Variants in PRKN observed in about 807,000 individuals in gnomAD.
PRKN encodes E3 ubiquitin-protein ligase parkin.
PRKN carries 56 observed loss-of-function variants against 59.5 expected under a neutral mutation model. The observed-to-expected ratio is 0.94, with a 90% CI of 0.76 to 1.18. The LOEUF (loss-of-function observed/expected upper bound fraction) is 1.18. PRKN is among the 50% of genes most tolerant of loss of function. The pLI, the probability that PRKN is intolerant of heterozygous loss-of-function variation, is 0.00. For missense variants in PRKN, 657 were observed against 596.4 expected (o/e 1.10, Z -1.06); for synonymous variants, 250 against 222.1 (o/e 1.13, Z -1.12).
At chr6:161,712,808 C>G (rs1786805295) in intron 7 of PRKN, among the ~76,000 whole-genome samples, 2 of 152,044 alleles carry the variant, frequency 1.3e-5, no homozygotes, top group African/African-American at 4.8e-5. Flanking sequence ...AAAACAAAAA[C>G]AAACTGTTTT....
chr6:161,438,027 T>G (rs771402111), intron 9 of PRKN, among the ~76,000 whole-genome samples: 12 of 152,080 alleles, frequency 7.9e-5, no homozygotes, highest in Non-Finnish European at 1.5e-4. Flanking sequence ...ACAGAGCTGG[T>G]GTGAGTCGTA....
rs191629108 is a variant in PRKN, at chr6:161,776,095, C to T, written c.871+9677G>A. On this transcript the variant is annotated intron_variant, in intron 7 of 11. Coordinates refer to ENST00000366898, the MANE Select transcript of PRKN (RefSeq NM_004562.3). ...ACTACTTCCTCAGCCCCTAGAGCAACAGAAAAATCTGTGCTACCAGGGCTT... is the reference window on the plus strand; with the variant it reads ...ACTACTTCCTCAGCCCCTAGAGCAATAGAAAAATCTGTGCTACCAGGGCTT... Among the ~76,000 whole-genome samples, 4 of 152,304 alleles carry T rather than the reference C, an allele frequency of 2.6e-5. No individual in the cohort carries two copies. The East Asian group carries it at 7.7e-4, about 29-fold the overall frequency.
intron 2 of PRKN, among the ~76,000 whole-genome samples, chr6:162,321,905 T>C (rs1562668986): frequency 6.6e-6 from 1 of 152,020 alleles, no homozygotes; most frequent in Admixed American, 6.6e-5. Flanking sequence ...TTACATTTAA[T>C]GATGAAAGAT....
chr6:161,503,417 T>C lies in PRKN; in HGVS notation c.1083+45437A>G, dbSNP rs1272837295. Among the ~76,000 whole-genome samples the C allele has an allele frequency of 6.6e-6, 1 of 152,198 alleles. No homozygotes were observed. Among genetic ancestry groups the C allele is most frequent in the African/African-American group, 2.4e-5 (1 of 41,440 alleles). The stretch of plus-strand genomic sequence containing the variant: ...TCAGGTCATTCTCACCACAAATATA[T>C]GGGATAAGTACCATTTTCATCCTAA... On this transcript the variant is annotated intron_variant, in intron 9 of 11. Coordinates refer to ENST00000366898, the MANE Select transcript of PRKN (RefSeq NM_004562.3). The surrounding 1 kb of genome is among the most constrained non-coding windows in gnomAD (Gnocchi z 5.1).
chr6:162,125,046 GAA>G (rs1310775563), intron 4 of PRKN, among the ~76,000 whole-genome samples: 3 of 152,190 alleles, frequency 2.0e-5, no homozygotes, highest in African/African-American at 7.2e-5. Context: ...GATTATTATA[GAA>G]AGTGAGGAAT....
At chr6:161,607,227 C>G (rs1411266125) in intron 7 of PRKN, among the ~76,000 whole-genome samples, 2 of 152,146 alleles carry the variant, frequency 1.3e-5, no homozygotes, top group Non-Finnish European at 2.9e-5. Context: ...TACAGGTACT[C>G]AGGTGAAATG....
intron 2 of PRKN, among the ~76,000 whole-genome samples, chr6:162,330,296 T>C (rs1294394051): frequency 1.3e-5 from 2 of 152,064 alleles, no homozygotes; most frequent in African/African-American, 2.4e-5. Context: ...CATAGTATGG[T>C]GGTATCTTCT....
rs189415414 is a variant in PRKN, at chr6:162,635,545, G to A, written c.7+92117C>T. Among the ~76,000 whole-genome samples the A allele has an allele frequency of 1.4e-4, 22 of 152,060 alleles. No homozygotes were observed. The South Asian group carries it at 1.7e-3, about 11-fold the overall frequency. Reference sequence around the variant, plus strand: ...ATTCTCCAAGAGTAGACCTTATGTCGTAGCTTTGTTAACATTATTTCATCT... The same window carrying A: ...ATTCTCCAAGAGTAGACCTTATGTCATAGCTTTGTTAACATTATTTCATCT... On this transcript the variant is annotated intron_variant, in intron 1 of 11. Transcript: ENST00000366898.
At chr6:162,675,690 T>C (rs1193290828) in intron 1 of PRKN, among the ~76,000 whole-genome samples, 3 of 152,206 alleles carry the variant, frequency 2.0e-5, no homozygotes, top group Non-Finnish European at 4.4e-5. Flanking sequence ...GGAAGAATAA[T>C]TTGTGTAGTC....
intron 9 of PRKN, among the ~76,000 whole-genome samples, chr6:161,479,903 A>C (rs1038810944): frequency 1.3e-5 from 2 of 152,124 alleles, no homozygotes; most frequent in Admixed American, 1.3e-4. Context: ...TTGAAGTTAG[A>C]CCAGGCCACA....
At chr6:161,928,996 G>C (rs1779068609) in intron 6 of PRKN, among the ~76,000 whole-genome samples, 1 of 151,972 alleles carries the variant, frequency 6.6e-6, no homozygotes, top group African/African-American at 2.4e-5. Context: ...TACAAACGAG[G>C]ACTCAAACCC....
intron 3 of PRKN, among the ~76,000 whole-genome samples, chr6:162,246,252 C>G (rs772849920): frequency 5.3e-5 from 8 of 151,870 alleles, no homozygotes; most frequent in Non-Finnish European, 1.2e-4. Context: ...GACTACTGTC[C>G]TTATAGGAAG....
At chr6:162,222,980 G>A (rs1415264500) in intron 3 of PRKN, among the ~76,000 whole-genome samples, 2 of 150,972 alleles carry the variant, frequency 1.3e-5, no homozygotes, top group South Asian at 2.1e-4. Context: ...TTAGCATTAG[G>A]TATTTCTCCT....
intron 2 of PRKN, among the ~76,000 whole-genome samples, chr6:162,403,342 C>G (rs1484742114): frequency 6.6e-6 from 1 of 152,044 alleles, no homozygotes; most frequent in Non-Finnish European, 1.5e-5. Context: ...GTGCCTCACT[C>G]CCTCACCCGG....
chr6:161,976,463 C>T (rs761985190), intron 5 of PRKN, among the ~76,000 whole-genome samples: 2 of 152,156 alleles, frequency 1.3e-5, no homozygotes, highest in Non-Finnish European at 2.9e-5. Flanking sequence ...GAGTCCTGCC[C>T]ATGAGTCCAG....
At chr6:162,644,906 C>G (rs1448972291) in intron 1 of PRKN, among the ~76,000 whole-genome samples, 1 of 152,128 alleles carries the variant, frequency 6.6e-6, no homozygotes, top group Non-Finnish European at 1.5e-5. Context: ...TTAGAAAAAA[C>G]AGTCAAGTTA....
At position 161,408,124 on chromosome 6, in the gene PRKN, C is replaced by A. The variant is rs138349963; in HGVS notation, c.1084-21247G>T. On this transcript the variant is annotated intron_variant, in intron 9 of 11. Transcript: ENST00000366898. Reference sequence around the variant, plus strand: ...GCACATGCTTTGACTCTCTAACTTCCTCTTCTAGGAATTTTTCTTTTTAGA... The same window carrying A: ...GCACATGCTTTGACTCTCTAACTTCATCTTCTAGGAATTTTTCTTTTTAGA... Among the ~76,000 whole-genome samples, 275 of 152,240 alleles carry A rather than the reference C, an allele frequency of 1.8e-3. 4 individuals are homozygous for A. The highest frequency in any genetic ancestry group is 6.4e-3 in the African/African-American group (266 of 41,524).
intron 6 of PRKN, among the ~76,000 whole-genome samples, chr6:161,796,061 T>C (rs1790835551): frequency 6.6e-6 from 1 of 152,190 alleles, no homozygotes; most frequent in Admixed American, 6.5e-5. Flanking sequence ...TGTGGTTGAA[T>C]TGGGTTCCAT....
Position 161,898,360 on chromosome 6 carries a change from C to G in PRKN, c.734+74942G>C, listed in dbSNP as rs568070128. ...CAGGTTCTAGGGAATCACGAAGGTC[C>G]CACGAGCAATAATATTTACGCATTA... On this transcript the variant is annotated intron_variant, in intron 6 of 11. Coordinates refer to ENST00000366898, the MANE Select transcript of PRKN (RefSeq NM_004562.3). Among the ~76,000 whole-genome samples, 36 of 152,192 alleles carry G rather than the reference C, an allele frequency of 2.4e-4. 2 individuals are homozygous for G. The highest frequency in any genetic ancestry group is 7.2e-5 in the African/African-American group (3 of 41,506).
Sources: gnomAD v4.1 joint callset for allele counts (sites outside exome capture counted in the v4.1 genomes callset) on GRCh38, gnomAD v4.1.1 for gene constraint, Gnocchi (gnomAD v3.1) non-coding constraint, MANE v1.5 for transcripts, NCBI Gene and HGNC (gene_info 2026-07-23, HGNC 2026-07-21) for gene names.